The following PRF1 variants were observed in gnomAD, a reference collection of about 807,000 sequenced individuals.
PRF1 encodes perforin 1, also known as perforin-1.
A neutral mutation model predicts 11.7 loss-of-function variants in PRF1; 11 were observed. That is an observed-to-expected ratio of 0.94 (90% confidence interval 0.59 to 1.56). The LOEUF (loss-of-function observed/expected upper bound fraction) is 1.56, where lower values mean the gene tolerates loss of function less well. Ranked by LOEUF, PRF1 falls within the 40% of genes most tolerant of loss-of-function variation. PRF1 has a pLI of 0.00. For synonymous variants in PRF1, 314 were observed against 327.8 expected, an observed-to-expected ratio of 0.96 and a Z score of 0.45; for missense variants, 729 against 751.0, an observed-to-expected ratio of 0.97 and a Z score of 0.34.
chr10:70,598,026 T>C lies in PRF1; in HGVS notation c.*27A>G, dbSNP rs1221377876. The C allele has an allele frequency of 1.2e-6, 2 of 1,610,128 alleles. No homozygotes were observed. The highest frequency in any genetic ancestry group is 8.5e-7 in the Non-Finnish European group (1 of 1,179,912). ...TGTGAGAACCCCTTCAGTCCAAGCATACTGGTCCTTTCCAAGCTCACTGTT... is the reference window on the plus strand; with the variant it reads ...TGTGAGAACCCCTTCAGTCCAAGCACACTGGTCCTTTCCAAGCTCACTGTT... On this transcript the variant is annotated 3_prime_UTR_variant, in exon 3 of 3. Transcript: ENST00000441259.
chr10:70,601,061 G>A (rs1848223960), intron 1 of PRF1, 129 bp from the exon 2 acceptor site: 2 of 1,343,398 alleles, frequency 1.5e-6, no homozygotes, highest in Admixed American at 4.3e-5. Flanking sequence ...TGTCAGAGCT[G>A]GTATGTCCCT....
Position 70,600,494 on chromosome 10 carries a change from G to A in PRF1, c.409C>T (p.Pro137Ser), listed in dbSNP as rs1241445945. The A allele has an allele frequency of 6.2e-7, 1 of 1,614,060 alleles. No homozygotes were observed. Among genetic ancestry groups the A allele is most frequent in the Non-Finnish European group, 8.5e-7 (1 of 1,180,038 alleles). Residue 137 changes from proline to serine, a missense_variant, in exon 2 of 3, where the codon CCT (proline) becomes TCT (serine). Coordinates refer to ENST00000441259, the MANE Select transcript of PRF1 (RefSeq NM_001083116.3). The surrounding 1 kb of genome is among the most constrained non-coding windows in gnomAD (Gnocchi z 4.9). ...NDWKVGLDVT[P>S]KPTSNVHVSV... The stretch of plus-strand genomic sequence containing the variant: ...ACATGCACATTGCTGGTGGGCTTAG[G>A]AGTCACGTCCAGCCCGACCTTCCAG...
Position 70,597,667 on chromosome 10 carries a change from CA to C in PRF1, c.*385del, listed in dbSNP as rs1212468821. The C allele has an allele frequency of 5.0e-5, 29 of 583,258 alleles. No individual in the cohort carries two copies. Among genetic ancestry groups the C allele is most frequent in the Non-Finnish European group, 1.5e-5 (5 of 331,732 alleles). 36.1% of individuals were successfully genotyped at this position (583,258 alleles called of 1,614,324 possible). On this transcript the variant is annotated 3_prime_UTR_variant, in exon 3 of 3. Coordinates refer to ENST00000441259, the MANE Select transcript of PRF1 (RefSeq NM_001083116.3). ...TGGCGGAGGGCTTAGGCAGTTTGGA[CA>C]GGGTGAATCGGGATTAGCGTGTAAA...
chr10:70,599,071 G>T lies in PRF1; in HGVS notation c.650C>A (p.Ser217Tyr). 6.2e-7 allele frequency: 1 copy of T among 1,613,752 alleles called. No individual in the cohort carries two copies. The highest frequency in any genetic ancestry group is 2.2e-5 in the East Asian group (1 of 44,872). Residue 217 changes from serine (S) to tyrosine (Y), a missense_variant, in exon 3 of 3, where the codon TCC becomes TAC. Transcript: ENST00000441259. Reference sequence around the variant, plus strand: ...CCGGATGAAGTGGGTGCCGTAGTTGGAGATAAGCCTGAGGTAGGCGGGCTG... The same window carrying T: ...CCGGATGAAGTGGGTGCCGTAGTTGTAGATAAGCCTGAGGTAGGCGGGCTG... The part of the protein sequence containing the change: ...STQPAYLRLI[S>Y]NYGTHFIRAV...
intron 1 of PRF1, among the ~76,000 whole-genome samples, chr10:70,602,348 G>A (rs1214311268): frequency 6.6e-6 from 1 of 152,206 alleles, no homozygotes; most frequent in Non-Finnish European, 1.5e-5. Context: ...CCCTAATCCA[G>A]TGAACTCAGC....
At chr10:70,599,578 C>T (rs1848188414) in intron 2 of PRF1, among the ~76,000 whole-genome samples, 1 of 151,750 alleles carries the variant, frequency 6.6e-6, no homozygotes, top group African/African-American at 2.4e-5. Flanking sequence ...AGTGAGACCC[C>T]ATCTCTATTT....
At position 70,598,046 on chromosome 10, in the gene PRF1, A is replaced by G. The variant is rs1848152413; in HGVS notation, c.*7T>C. 6.2e-7 allele frequency: 1 copy of G among 1,612,550 alleles called. No individual in the cohort carries two copies. Among genetic ancestry groups the G allele is most frequent in the Non-Finnish European group, 8.5e-7 (1 of 1,180,008 alleles). ...AAGCATACTGGTCCTTTCCAAGCTC[A>G]CTGTTCTCACCACACGGCCCCACTC... On this transcript the variant is annotated 3_prime_UTR_variant, in exon 3 of 3. Transcript: ENST00000441259.
rs761651233 is a variant in PRF1, at chr10:70,600,837, CG to C, written c.65del (p.Pro22ArgfsTer29). 2 of 1,612,010 alleles carry C rather than the reference CG, an allele frequency of 1.2e-6. No individual in the cohort carries two copies. The highest frequency in any genetic ancestry group is 4.5e-5 in the East Asian group (2 of 44,830). On this transcript the variant is annotated frameshift_variant, in exon 2 of 3. Transcript: ENST00000441259. LOFTEE classifies it high-confidence loss of function. The surrounding 1 kb of genome is among the most constrained non-coding windows in gnomAD (Gnocchi z 4.9). ...ACTCTGAGCGTGCGGCTGTGTGGCACGGGGCAGGGACGGGCAGGGGCAGCAG... is the reference window on the plus strand; with the variant it reads ...ACTCTGAGCGTGCGGCTGTGTGGCACGGGCAGGGACGGGCAGGGGCAGCAG... Reference protein sequence around the residue: ...LLLLPLPVPAPCHTAARSECK... With the variant: ...LLLLPLPVPAXCHTAARSECK...
rs1232033686 is a variant in PRF1 at position 70,598,497 on chromosome 10, G to T, written c.1224C>A (p.Cys408Ter). The stretch of plus-strand genomic sequence containing the variant: ...GCTGGGCCAGGCCCCTCTGCCGAGG[G>T]CAGCAGTCCTGGGTGGTGACCGCTG... ...HGSAVTTQDC[C>*]PRQRGLAQLE... Residue 408 changes from cysteine (C) to a stop codon, truncating the protein, a stop_gained, in exon 3 of 3, where the codon TGC (cysteine) becomes TGA (stop). Transcript: ENST00000441259. LOFTEE classifies it low-confidence loss of function (END_TRUNC). 1 of 1,613,470 alleles carries T rather than the reference G, an allele frequency of 6.2e-7. No homozygotes were observed. Among genetic ancestry groups the T allele is most frequent in the South Asian group, 1.1e-5 (1 of 91,078 alleles).
Position 70,598,796 on chromosome 10 carries a change from T to C in PRF1, c.925A>G (p.Thr309Ala), listed in dbSNP as rs745770923. 6.2e-7 allele frequency: 1 copy of C among 1,613,924 alleles called. No homozygotes were observed. Among genetic ancestry groups the C allele is most frequent in the South Asian group, 1.1e-5 (1 of 91,080 alleles). The change falls in exon 3 of 3, where the codon ACC (threonine) becomes GCC (alanine). Residue 309 changes from threonine to alanine, a missense_variant. Transcript: ENST00000441259. ...RHSEVVGGHHTSINDLLFGIQ... is the reference protein window; with the variant it reads ...RHSEVVGGHHASINDLLFGIQ... ...CCGAACAGCAGGTCGTTAATGGAGG[T>C]GTGATGGCCGCCAACCACTTCCGAG...
In PRF1 at chr10:70,598,437, C is replaced by CCCA. The variant is rs747392486; in HGVS notation, c.1283_1284insTGG (p.Trp428delinsCysGly). On this transcript the variant is annotated protein_altering_variant, in exon 3 of 3. Transcript: ENST00000441259. ...CATCCGTGGCAGTGAACCAGTCCCC[C>CCCA]CACAGGCCCCATGCTTGGATGAAGG... 1 of 1,613,842 alleles carries CCCA rather than the reference C, an allele frequency of 6.2e-7. No individual in the cohort carries two copies.
In PRF1 at chr10:70,598,564, T is replaced by G; in HGVS notation, c.1157A>C (p.Gln386Pro). Residue 386 changes from glutamine to proline, a missense_variant, in exon 3 of 3, where the codon CAG becomes CCG. By Grantham distance (76) the Gln-to-Pro change is moderately conservative (BLOSUM62 -1). Transcript: ENST00000441259. ...DCSRPCPPGR[Q>P]KSPRDPCQCV... ...CTGGCATGGGTCTCGGGGGCTCTTC[T>G]GCCGCCCTGGTGGGCACGGCCGGCT... The G allele has an allele frequency of 6.2e-7, 1 of 1,612,868 alleles. No homozygotes were observed. Among genetic ancestry groups the G allele is most frequent in the South Asian group, 1.1e-5 (1 of 91,032 alleles).
Position 70,597,670 on chromosome 10 carries a change from G to A in PRF1, c.*383C>T. On this transcript the variant is annotated 3_prime_UTR_variant, in exon 3 of 3. Transcript: ENST00000441259. Reference sequence around the variant, plus strand: ...CGGAGGGCTTAGGCAGTTTGGACAGGGTGAATCGGGATTAGCGTGTAAACC... The same window carrying A: ...CGGAGGGCTTAGGCAGTTTGGACAGAGTGAATCGGGATTAGCGTGTAAACC... 1.7e-6 allele frequency: 1 copy of A among 588,474 alleles called. No homozygotes were observed. Among genetic ancestry groups the A allele is most frequent in the South Asian group, 2.2e-5 (1 of 45,554 alleles). 36.5% of individuals were successfully genotyped at this position (588,474 alleles called of 1,614,324 possible). A position where few individuals can be genotyped will look rare whatever the true frequency, so the allele number is the denominator to read the frequency against.
chr10:70,601,862 C>T (rs891392794), intron 1 of PRF1, among the ~76,000 whole-genome samples: 12 of 34,268 alleles, frequency 3.5e-4, no homozygotes, highest in African/African-American at 1.1e-3. Flanking sequence ...GACCTGACCA[C>T]ACCCTTGGAT....
rs766102404 is a variant in PRF1 at position 70,598,994 on chromosome 10, C to T, written c.727G>A (p.Glu243Lys). The change falls in exon 3 of 3, where the codon GAG becomes AAG. Residue 243 changes from glutamate (E) to lysine (K), a missense_variant. Coordinates refer to ENST00000441259, the MANE Select transcript of PRF1 (RefSeq NM_001083116.3). ...TCCGTGAGCCCTTCCAGGGCCAGCT[C>T]GCAGGTGCGCAGGGCAGTGAGGGCC... is the stretch of plus-strand genomic sequence containing the variant. The part of the protein sequence containing the change: ...ISALTALRTC[E>K]LALEGLTDNE... 1.3e-5 allele frequency: 21 copies of T among 1,614,068 alleles called. No homozygotes were observed. Among genetic ancestry groups the T allele is most frequent in the Admixed American group, 8.3e-5 (5 of 60,018 alleles).
Position 70,600,217 on chromosome 10 carries a change from C to A in PRF1, c.539+147G>T. The A allele has an allele frequency of 6.9e-7, 1 of 1,455,670 alleles. No individual in the cohort carries two copies. Among genetic ancestry groups the A allele is most frequent in the Admixed American group, 2.1e-5 (1 of 46,596 alleles). The allele number at this position is 1,455,670 out of a possible 1,614,324, so 90.2% of individuals were successfully genotyped here. The stretch of plus-strand genomic sequence containing the variant: ...AGAGGAGGCCACAGGGCTGAATCAC[C>A]TGAAGTCTGAGAGCCAGGATTGCAG... On this transcript the variant is annotated intron_variant, in intron 2 of 2. Coordinates refer to ENST00000441259, the MANE Select transcript of PRF1 (RefSeq NM_001083116.3). The surrounding 1 kb of genome is among the most constrained non-coding windows in gnomAD (Gnocchi z 4.9).
rs531190813 is a variant in PRF1 at position 70,600,522 on chromosome 10, G to A, written c.381C>T (p.Asn127=). 27 of 1,614,114 alleles carry A rather than the reference G, an allele frequency of 1.7e-5. No individual in the cohort carries two copies. Among genetic ancestry groups the A allele is most frequent in the Non-Finnish European group, 1.9e-5 (23 of 1,180,038 alleles). Residue 127 remains asparagine, a synonymous_variant, in exon 2 of 3, where the codon AAC becomes AAT. Transcript: ENST00000441259. This position sits in a 1 kb window ranked among gnomAD's most constrained non-coding sequence, Gnocchi z 4.9. ...TCACGTCCAGCCCGACCTTCCAGTC[G>A]TTGCGGATGCTACGAGCCGCATCCC... The part of the protein sequence containing the change: ...VARDAARSIR[N]DWKVGLDVTP...
chr10:70,600,720 C>T lies in PRF1; in HGVS notation c.183G>A (p.Val61=). 6.2e-7 allele frequency: 1 copy of T among 1,613,870 alleles called. No homozygotes were observed. The highest frequency in any genetic ancestry group is 8.5e-7 in the Non-Finnish European group (1 of 1,179,888). Residue 61 remains valine, a synonymous_variant, in exon 2 of 3, where the codon GTG becomes GTA. Coordinates refer to ENST00000441259, the MANE Select transcript of PRF1 (RefSeq NM_001083116.3). This position sits in a 1 kb window ranked among gnomAD's most constrained non-coding sequence, Gnocchi z 4.9. The part of the protein sequence containing the change: ...TSLRRSGSFP[V]DTQRFLRPDG... ...CGGGCCGCAGGAACCTTTGTGTGTC[C>T]ACTGGGAAGGAGCCCGAGCGGCGGA...
Position 70,598,933 on chromosome 10 carries a change from T to C in PRF1, c.788A>G (p.Gln263Arg). Residue 263 changes from glutamine (Q) to arginine (R), a missense_variant, in exon 3 of 3, where the codon CAG becomes CGG. Transcript: ENST00000441259. Reference protein sequence around the residue: ...EVEDCLTVEAQVNIGIHGSIS... With the variant: ...EVEDCLTVEARVNIGIHGSIS... ...GCTGCCGTGGATGCCTATGTTGACCTGGGCCTCGACAGTCAGGCAGTCCTC... is the reference window on the plus strand; with the variant it reads ...GCTGCCGTGGATGCCTATGTTGACCCGGGCCTCGACAGTCAGGCAGTCCTC... The C allele has an allele frequency of 6.2e-7, 1 of 1,614,248 alleles. No individual in the cohort carries two copies. Among genetic ancestry groups the C allele is most frequent in the Non-Finnish European group, 8.5e-7 (1 of 1,180,034 alleles).
Sources: gnomAD v4.1 joint callset for allele counts (sites outside exome capture counted in the v4.1 genomes callset) on GRCh38, gnomAD v4.1.1 for gene constraint, Gnocchi (gnomAD v3.1) non-coding constraint, MANE v1.5 for transcripts, NCBI Gene and HGNC (gene_info 2026-07-23, HGNC 2026-07-21) for gene names.